Variants in SNTG2 observed in about 807,000 individuals in gnomAD.
SNTG2 encodes syntrophin gamma 2.
Under a neutral mutation model 70.9 loss-of-function variants are expected in SNTG2, and 74 were observed. The observed-to-expected ratio is 1.04, with a 90% confidence interval of 0.86 to 1.27. SNTG2 has a LOEUF of 1.27. Ranked by LOEUF, SNTG2 falls within the 50% of genes most tolerant of loss-of-function variation. The probability of loss-of-function intolerance (pLI) is 0.00; values close to 1 mark genes in which losing one functional copy is unlikely to be tolerated. For missense variants in SNTG2, 717 were observed against 690.7 expected (o/e 1.04, Z -0.43); for synonymous variants, 278 against 273.8 (o/e 1.02, Z -0.15).
At chr2:1,161,454 G>T (rs879279651) in intron 6 of SNTG2, 1 of 152,264 alleles carries the variant, frequency 6.6e-6, no homozygotes, top group African/African-American at 2.4e-5. Context: ...AAAAAGCAGT[G>T]ACTGCTGCTG....
intron 16 of SNTG2, among the ~76,000 whole-genome samples, chr2:1,330,898 T>C (rs997769834): frequency 2.0e-5 from 3 of 152,192 alleles, no homozygotes; most frequent in African/African-American, 7.2e-5. Context: ...AAGGCTGGCA[T>C]AGTCTATCAG....
At chr2:1,128,862 G>A (rs1276768379) in intron 4 of SNTG2, among the ~76,000 whole-genome samples, 2 of 152,082 alleles carry the variant, frequency 1.3e-5, no homozygotes, top group Non-Finnish European at 2.9e-5. Flanking sequence ...CACTTAATGT[G>A]ACTTTCTGTT....
chr2:1,116,977 G>A (rs1233096104), intron 4 of SNTG2, among the ~76,000 whole-genome samples: 1 of 146,502 alleles, frequency 6.8e-6, no homozygotes, highest in Non-Finnish European at 1.5e-5. Context: ...GGGTGCTCTG[G>A]CATGTGGGTG....
At chr2:1,206,944 T>C (rs1350234467) in intron 8 of SNTG2, among the ~76,000 whole-genome samples, 2 of 152,186 alleles carry the variant, frequency 1.3e-5, no homozygotes, top group Non-Finnish European at 1.5e-5. Context: ...TAGCAAACCT[T>C]TGAATCAGCA....
At chr2:970,218 A>T (rs1259616624) in intron 1 of SNTG2, among the ~76,000 whole-genome samples, 2 of 152,146 alleles carry the variant, frequency 1.3e-5, no homozygotes, top group Non-Finnish European at 2.9e-5. Context: ...AGCCTACCTA[A>T]TTGTGTGGAT....
At chr2:978,907 T>C (rs1661001065) in intron 1 of SNTG2, among the ~76,000 whole-genome samples, 1 of 152,214 alleles carries the variant, frequency 6.6e-6, no homozygotes, top group Non-Finnish European at 1.5e-5. Context: ...GATGAACCTG[T>C]TGATAATTTT....
chr2:1,361,875 C>T (rs1444702855), intron 16 of SNTG2, among the ~76,000 whole-genome samples: 890 of 53,368 alleles, frequency 0.017, 14 homozygotes, highest in Middle Eastern at 0.026. Context: ...ATGAAAGTCA[C>T]CAACGCTGAG....
chr2:1,216,526 G>C (rs1470688288), intron 9 of SNTG2, among the ~76,000 whole-genome samples: 1 of 152,146 alleles, frequency 6.6e-6, no homozygotes, highest in African/African-American at 2.4e-5. Context: ...TCTGATGGTA[G>C]TTTCTTTTGC....
chr2:1,021,970 C>T (rs1171090431), intron 1 of SNTG2, among the ~76,000 whole-genome samples: 3 of 132,802 alleles, frequency 2.3e-5, no homozygotes, highest in African/African-American at 8.6e-5. Context: ...AAAACATAAG[C>T]TCCTAATAAT....
intron 8 of SNTG2, among the ~76,000 whole-genome samples, chr2:1,204,631 C>T (rs896799528): frequency 6.6e-6 from 1 of 152,158 alleles, no homozygotes; most frequent in East Asian, 1.9e-4. Context: ...CGGAGGAGTA[C>T]AGTAAATAAG....
At chr2:1,121,877 A>G (rs926841212) in intron 4 of SNTG2, among the ~76,000 whole-genome samples, 1 of 152,234 alleles carries the variant, frequency 6.6e-6, no homozygotes, top group African/African-American at 2.4e-5. Flanking sequence ...GCCTAACCAT[A>G]TTATAATCTA....
intron 6 of SNTG2, 110 bp from the exon 7 acceptor site, chr2:1,165,438 T>C (rs1418477707): frequency 9.5e-7 from 1 of 1,055,810 alleles, no homozygotes; most frequent in African/African-American, 1.6e-5. Flanking sequence ...CAGAGGTAAC[T>C]ATGAACTTTG....
At chr2:1,086,810 G>A (rs1222335292) in intron 2 of SNTG2, among the ~76,000 whole-genome samples, 1 of 152,012 alleles carries the variant, frequency 6.6e-6, no homozygotes, top group Non-Finnish European at 1.5e-5. Flanking sequence ...GGAACAAGGG[G>A]CTATAAAAAG....
At chr2:1,215,079 GA>G (rs150716553) in intron 9 of SNTG2, among the ~76,000 whole-genome samples, 27,557 of 152,130 alleles carry the variant, frequency 0.18, 4,951 homozygotes, top group African/African-American at 0.47. Flanking sequence ...TCCAAGGCAT[GA>G]ATCCCACTTG....
At chr2:1,199,345 A>G (rs1673137451) in intron 8 of SNTG2, among the ~76,000 whole-genome samples, 1 of 151,920 alleles carries the variant, frequency 6.6e-6, no homozygotes, top group African/African-American at 2.4e-5. Flanking sequence ...TTTATGATAA[A>G]AGTACTCAAA....
chr2:1,229,696 G>A (rs1221760135), intron 9 of SNTG2, among the ~76,000 whole-genome samples: 1 of 152,346 alleles, frequency 6.6e-6, no homozygotes, highest in South Asian at 2.1e-4. Context: ...CCAATGGAGG[G>A]GGTGGGAGGC....
chr2:1,315,478 CA>C (rs201017128), intron 15 of SNTG2, among the ~76,000 whole-genome samples: 29 of 145,208 alleles, frequency 2.0e-4, no homozygotes, highest in East Asian at 1.6e-3. Flanking sequence ...TATGGCTTGC[CA>C]AAAAAAAAAT....
chr2:1,220,869 C>T (rs569537321), intron 9 of SNTG2, among the ~76,000 whole-genome samples: 4 of 152,316 alleles, frequency 2.6e-5, no homozygotes, highest in Non-Finnish European at 5.9e-5. Context: ...GCCCCCTCCA[C>T]GGGCACGTAG....
intron 1 of SNTG2, among the ~76,000 whole-genome samples, chr2:1,064,670 G>C (rs1404262335): frequency 6.6e-6 from 1 of 152,068 alleles, no homozygotes; most frequent in Non-Finnish European, 1.5e-5. Flanking sequence ...GAAATTTTAA[G>C]AATCTACATG....
Sources: allele counts gnomAD v4.1 joint callset (sites outside exome capture counted in the v4.1 genomes callset), GRCh38; gene constraint gnomAD v4.1.1; transcripts MANE v1.5; gene names NCBI Gene and HGNC (gene_info 2026-07-23, HGNC 2026-07-21).